Variants in LCP1 observed in about 807,000 individuals in gnomAD.
LCP1 encodes the protein plastin-2.
LCP1 carries 23 observed loss-of-function variants against 72.0 expected under a neutral mutation model. The ratio of observed to expected loss-of-function variants is 0.32; its 90% confidence interval spans 0.23 to 0.45. LCP1 has a LOEUF of 0.45. LCP1 is among the 20% of genes least tolerant of loss of function. LCP1 has a pLI of 1.00. For missense variants in LCP1, 571 were observed against 748.3 expected (o/e 0.76, Z 2.76); for synonymous variants, 245 against 275.4 (o/e 0.89, Z 1.09).
intron 5 of LCP1, 44 bp from the exon 6 acceptor site, chr13:46,154,930 A>G: frequency 6.9e-7 from 1 of 1,441,430 alleles, no homozygotes; most frequent in South Asian, 1.1e-5. Flanking sequence ...TCTTCTGAAT[A>G]ACAGAGCCCA....
intron 1 of LCP1, among the ~76,000 whole-genome samples, chr13:46,177,752 G>A (rs757597060): frequency 6.6e-6 from 1 of 152,126 alleles, no homozygotes; most frequent in African/African-American, 2.4e-5. Context: ...AAGTTTTTGA[G>A]GGTGGAGATC....
intron 1 of LCP1, among the ~76,000 whole-genome samples, chr13:46,180,464 G>T (rs1367801647): frequency 6.6e-6 from 1 of 152,176 alleles, no homozygotes; most frequent in African/African-American, 2.4e-5. Flanking sequence ...ATTACCAATT[G>T]TTTCAAGGCA....
intron 1 of LCP1, among the ~76,000 whole-genome samples, chr13:46,170,736 A>G (rs1377764183): frequency 6.6e-6 from 1 of 152,218 alleles, no homozygotes; most frequent in Admixed American, 6.5e-5. Context: ...TCTTCCTTCA[A>G]TAGACATCTG....
chr13:46,169,433 C>T (rs921387052), intron 1 of LCP1: 4 of 152,196 alleles, frequency 2.6e-5, no homozygotes, highest in African/African-American at 4.8e-5. Flanking sequence ...TGTCTCTATA[C>T]ATTTATTCTA....
At chr13:46,143,537 C>T in intron 11 of LCP1, 133 bp from the exon 12 acceptor site, 1 of 602,648 alleles carries the variant, frequency 1.7e-6, no homozygotes, top group Admixed American at 2.7e-5. Context: ...AGTCGTAGCT[C>T]CATCTATAGA....
intron 7 of LCP1, among the ~76,000 whole-genome samples, chr13:46,152,081 T>C (rs937238451): frequency 6.6e-6 from 1 of 152,264 alleles, no homozygotes; most frequent in African/African-American, 2.4e-5. Context: ...TATACTTATC[T>C]TGGTAGACAC....
In LCP1 at chr13:46,158,958, A is replaced by G; in HGVS notation, c.96T>C (p.Asn32=). The part of the protein sequence containing the change: ...DTDGNGYISF[N]ELNDLFKAAC... ...CAGCCTTGAACAAGTCATTCAACTC[A>G]TTGAAGCTGATGTATCCATTGCCAT... is the stretch of plus-strand genomic sequence containing the variant. Residue 32 remains asparagine (N), a synonymous_variant, in exon 3 of 16, where the codon AAT becomes AAC. Transcript: ENST00000323076. The G allele has an allele frequency of 6.2e-7, 1 of 1,614,148 alleles. No homozygotes were observed. Among genetic ancestry groups the G allele is most frequent in the Non-Finnish European group, 8.5e-7 (1 of 1,180,020 alleles).
intron 15 of LCP1, among the ~76,000 whole-genome samples, chr13:46,130,030 A>T (rs2045623987): frequency 2.0e-5 from 3 of 152,226 alleles, no homozygotes; most frequent in African/African-American, 7.2e-5. Context: ...ATTCTCCCTC[A>T]GAAGAAACCA....
In LCP1 at chr13:46,175,474, C is replaced by T. The variant is rs367791562; in HGVS notation, c.-25+6637G>A. The stretch of plus-strand genomic sequence containing the variant: ...CTCCCCTTTCTTTATACCACATTTG[C>T]CTCTTTTGTGCCTGGGAGCTGCAGA... On this transcript the variant is annotated intron_variant, in intron 1 of 15. Coordinates refer to ENST00000323076, the MANE Select transcript of LCP1 (RefSeq NM_002298.5). Among the ~76,000 whole-genome samples the T allele has an allele frequency of 7.2e-5, 11 of 152,280 alleles. No individual in the cohort carries two copies. The East Asian group carries it at 1.7e-3, about 24-fold the overall frequency.
chr13:46,163,469 A>C, intron 1 of LCP1, among the ~76,000 whole-genome samples: 1 of 151,774 alleles, frequency 6.6e-6, no homozygotes, highest in African/African-American at 2.4e-5. Flanking sequence ...CCACTCCCTA[A>C]TCTCAAGTAC....
At chr13:46,151,702 T>G (rs7359007) in intron 7 of LCP1, among the ~76,000 whole-genome samples, 3,969 of 152,318 alleles carry the variant, frequency 0.026, 155 homozygotes, top group African/African-American at 0.089. Context: ...ATATTATGTT[T>G]AATACATTGG....
chr13:46,150,899 C>G (rs557800391), intron 8 of LCP1, 37 bp downstream of exon 8: 4 of 1,601,276 alleles, frequency 2.5e-6, no homozygotes, highest in Admixed American at 1.7e-5. Context: ...CCCCTTCACT[C>G]CTGCAGAGAG....
rs145222174 is a variant in LCP1 at position 46,143,921 on chromosome 13, C to T, written c.1254-517G>A. On this transcript the variant is annotated intron_variant, in intron 11 of 15. Coordinates refer to ENST00000323076, the MANE Select transcript of LCP1 (RefSeq NM_002298.5). ...CTCTACTAAAAATACAAAAAATTAGCCAGGCATGGTGGCAGGTGCCTGAAG... is the reference window on the plus strand; with the variant it reads ...CTCTACTAAAAATACAAAAAATTAGTCAGGCATGGTGGCAGGTGCCTGAAG... Among the ~76,000 whole-genome samples the T allele has an allele frequency of 4.6e-5, 7 of 152,204 alleles. No individual in the cohort carries two copies. In the East Asian group the frequency reaches 1.4e-3, roughly 29 times the overall value.
chr13:46,162,895 C>T (rs1036330481), intron 1 of LCP1, among the ~76,000 whole-genome samples: 1 of 148,322 alleles, frequency 6.7e-6, no homozygotes, highest in African/African-American at 2.6e-5. Context: ...AAGTGAGGAG[C>T]CCCTCCGCCC....
At chr13:46,160,675 T>A (rs932784987) in intron 1 of LCP1, among the ~76,000 whole-genome samples, 1 of 152,070 alleles carries the variant, frequency 6.6e-6, no homozygotes, top group Non-Finnish European at 1.5e-5. Context: ...TGCCCTCTAG[T>A]GGGTGAGAAG....
rs2138233623 is a variant in LCP1 at position 46,142,485 on chromosome 13, A to G, written c.1369-60T>C. The G allele has an allele frequency of 2.6e-6, 4 of 1,520,346 alleles. No homozygotes were observed. The East Asian group carries it at 9.4e-5, about 36-fold the overall frequency. 94.2% of individuals were successfully genotyped at this position (1,520,346 alleles called of 1,614,324 possible). A position where few individuals can be genotyped will look rare whatever the true frequency, so the allele number is the denominator to read the frequency against. On this transcript the variant is annotated intron_variant, in intron 12 of 15. Coordinates refer to ENST00000323076, the MANE Select transcript of LCP1 (RefSeq NM_002298.5). Reference sequence around the variant, plus strand: ...TCATCTTGATTATGATAAATACCAGATAAATAATAAAAATAAAGATAAAAA... The same window carrying G: ...TCATCTTGATTATGATAAATACCAGGTAAATAATAAAAATAAAGATAAAAA...
At chr13:46,153,578 G>C (rs1387632835) in intron 6 of LCP1, among the ~76,000 whole-genome samples, 1 of 151,940 alleles carries the variant, frequency 6.6e-6, no homozygotes, top group African/African-American at 2.4e-5. Flanking sequence ...GCAGGTGCCT[G>C]TAATCCCAGC....
At chr13:46,176,043 T>C (rs1451819409) in intron 1 of LCP1, among the ~76,000 whole-genome samples, 2 of 152,166 alleles carry the variant, frequency 1.3e-5, no homozygotes, top group South Asian at 2.1e-4. Context: ...CTGAGATTAC[T>C]AGAGGCTGGG....
At chr13:46,177,020 C>A (rs1358440345) in intron 1 of LCP1, among the ~76,000 whole-genome samples, 1 of 152,152 alleles carries the variant, frequency 6.6e-6, no homozygotes, top group African/African-American at 2.4e-5. Flanking sequence ...CCCAATTTAA[C>A]ATAGCTTTTC....
Sources: allele counts gnomAD v4.1 joint callset (sites outside exome capture counted in the v4.1 genomes callset), GRCh38; gene constraint gnomAD v4.1.1; transcripts MANE v1.5; gene names NCBI Gene and HGNC (gene_info 2026-07-23, HGNC 2026-07-21).